DNMBP: variants seen among roughly 807,000 people sequenced by gnomAD.
DNMBP encodes the protein dynamin binding protein.
A neutral mutation model predicts 150.0 loss-of-function variants in DNMBP; 87 were observed. That is an observed-to-expected ratio of 0.58 (90% CI 0.49 to 0.69). DNMBP has a LOEUF of 0.69. DNMBP is among the 30% of genes least tolerant of loss of function. DNMBP has a pLI of 0.00. For missense variants in DNMBP, 1,774 were observed against 1,949.0 expected (o/e 0.91, Z 1.69); for synonymous variants, 711 against 750.4 (o/e 0.95, Z 0.86).
intron 6 of DNMBP, among the ~76,000 whole-genome samples, chr10:99,905,770 A>G (rs1292256580): frequency 6.6e-6 from 1 of 152,190 alleles, no homozygotes; most frequent in Non-Finnish European, 1.5e-5. Context: ...CAGGCATCCA[A>G]GACTAGCCTG....
intron 1 of DNMBP, among the ~76,000 whole-genome samples, chr10:99,992,169 T>C (rs904379172): frequency 2.0e-5 from 3 of 148,940 alleles, no homozygotes; most frequent in African/African-American, 7.4e-5. Flanking sequence ...GAGTCCAGGA[T>C]GTTGAGGCTG....
chr10:99,983,321 C>T (rs919422634), intron 1 of DNMBP, among the ~76,000 whole-genome samples: 1 of 152,160 alleles, frequency 6.6e-6, no homozygotes, highest in Non-Finnish European at 1.5e-5. Context: ...AGAGCTCATA[C>T]AAGACAACAC....
chr10:99,982,890 C>T (rs1217290945), intron 1 of DNMBP, among the ~76,000 whole-genome samples: 2 of 152,046 alleles, frequency 1.3e-5, no homozygotes, highest in Admixed American at 6.6e-5. Flanking sequence ...ATTGCTTGAA[C>T]CTGGGAAGTG....
intron 15 of DNMBP, among the ~76,000 whole-genome samples, chr10:99,882,167 T>C (rs558086335): frequency 2.6e-5 from 4 of 152,250 alleles, no homozygotes; most frequent in East Asian, 3.9e-4. Flanking sequence ...CTAGACAAGT[T>C]GATCTCATAG....
intron 1 of DNMBP, among the ~76,000 whole-genome samples, chr10:100,001,130 C>T (rs556762197): frequency 6.9e-6 from 1 of 145,636 alleles, no homozygotes; most frequent in Non-Finnish European, 1.5e-5. Flanking sequence ...ACTCGGGAGG[C>T]TAAGGCAGGA....
rs749864664 is a variant in DNMBP, at chr10:99,956,173, C to T, written c.1301G>A (p.Gly434Glu). ...LQKSQYYSTV[G>E]GSHPHSEQYP... ...CTGTTCTGAGTGCGGGTGGCTCCCTCCCACTGTAGAATAATACTGGCTTTT... is the reference window on the plus strand; with the variant it reads ...CTGTTCTGAGTGCGGGTGGCTCCCTTCCACTGTAGAATAATACTGGCTTTT... Residue 434 changes from glycine (G) to glutamate (E), a missense_variant, in exon 4 of 17, where the codon GGA (glycine) becomes GAA (glutamate). This residue lies in a region of DNMBP where 1,430 missense variants were observed against 1,492.5 expected (regional missense o/e 0.96). Coordinates refer to ENST00000324109, the MANE Select transcript of DNMBP (RefSeq NM_015221.4). 1 of 1,614,042 alleles carries T rather than the reference C, an allele frequency of 6.2e-7. No individual in the cohort carries two copies. The highest frequency in any genetic ancestry group is 8.5e-7 in the Non-Finnish European group (1 of 1,180,010).
Position 99,980,572 on chromosome 10 carries a change from C to T in DNMBP, c.-10-8438G>A, listed in dbSNP as rs541971524. Among the ~76,000 whole-genome samples, 9 of 151,794 alleles carry T rather than the reference C, an allele frequency of 5.9e-5. No individual in the cohort carries two copies. The South Asian group carries it at 1.9e-3, about 32-fold the overall frequency. ...CCTGTAATCTTAGCACTCTGGGAGA[C>T]CAAGAGGAGAGGATCACTTGAGCCC... is the stretch of plus-strand genomic sequence containing the variant. On this transcript the variant is annotated intron_variant, in intron 1 of 16. Transcript: ENST00000324109.
At chr10:99,922,527 T>TTTTTAAA in intron 4 of DNMBP, among the ~76,000 whole-genome samples, 1 of 78,966 alleles carries the variant, frequency 1.3e-5, no homozygotes, top group Non-Finnish European at 2.2e-5. Flanking sequence ...TTTTTTTTCT[T>TTTTTAAA]AAAAAAAAAA....
At chr10:100,000,463 A>G (rs959961185) in intron 1 of DNMBP, among the ~76,000 whole-genome samples, 3 of 152,170 alleles carry the variant, frequency 2.0e-5, no homozygotes, top group Admixed American at 1.3e-4. Context: ...TTCACATGCT[A>G]CTTTCGGGAA....
Position 99,875,704 on chromosome 10 carries a change from T to A in DNMBP, c.*1447A>T, listed in dbSNP as rs7652. On this transcript the variant is annotated 3_prime_UTR_variant, in exon 17 of 17. Coordinates refer to ENST00000324109, the MANE Select transcript of DNMBP (RefSeq NM_015221.4). ...CACGACCAGCAGACACTGTGGATGT[T>A]AGGACTCCACGGTGTCTCCCGACTC... The A allele has an allele frequency of 0.74, 112,363 of 151,894 alleles. 42,635 individuals carry two copies. The highest frequency in any genetic ancestry group is 0.92 in the African/African-American group (37,884 of 41,390). 9.4% of individuals were successfully genotyped at this position (151,894 alleles called of 1,614,324 possible).
At chr10:99,923,727 A>G (rs2040047686) in intron 4 of DNMBP, among the ~76,000 whole-genome samples, 1 of 151,856 alleles carries the variant, frequency 6.6e-6, no homozygotes, top group Admixed American at 6.6e-5. Flanking sequence ...CCACAACCCT[A>G]TGTCTTTCTC....
intron 4 of DNMBP, among the ~76,000 whole-genome samples, chr10:99,948,909 G>A (rs563905662): frequency 6.6e-6 from 1 of 151,974 alleles, no homozygotes; most frequent in African/African-American, 2.4e-5. Context: ...GTTGCAGTGA[G>A]CCAAGATCAC....
intron 11 of DNMBP, among the ~76,000 whole-genome samples, chr10:99,891,863 C>A (rs545947641): frequency 0.12 from 17,570 of 144,230 alleles, 1,727 homozygotes; most frequent in African/African-American, 0.26. Context: ...TGCCCGGCCA[C>A]GACCCCGTCT....
In DNMBP at chr10:99,888,838, A is replaced by G. The variant is rs2039512287; in HGVS notation, c.3272T>C (p.Leu1091Pro). ...ERVHRYISDQ[L>P]FTNFKERTER... is the part of the protein sequence containing the mutation. ...AAAGTTACTTACAAAGTTTGTGAAG[A>G]GCTGGTCACTGATGTAGCGATGCAC... The change falls in exon 12 of 17, where the codon CTC (leucine) becomes CCC (proline). Residue 1091 changes from leucine to proline, a missense_variant. Leu to Pro is a moderately conservative substitution (Grantham distance 98). This residue lies in a region of DNMBP where 1,430 missense variants were observed against 1,492.5 expected (regional missense o/e 0.96). Coordinates refer to ENST00000324109, the MANE Select transcript of DNMBP (RefSeq NM_015221.4). 1 of 1,614,112 alleles carries G rather than the reference A, an allele frequency of 6.2e-7. No homozygotes were observed. The highest frequency in any genetic ancestry group is 8.5e-7 in the Non-Finnish European group (1 of 1,180,012).
intron 1 of DNMBP, among the ~76,000 whole-genome samples, chr10:99,995,072 T>TTTG (rs575533576): frequency 6.7e-6 from 1 of 148,234 alleles, no homozygotes; most frequent in Admixed American, 6.7e-5. Flanking sequence ...TTTTTTTTTT[T>TTTG]GAGACAGTCT....
In DNMBP at chr10:99,889,741, G is replaced by A. The variant is rs74155715; in HGVS notation, c.3157-788C>T. On this transcript the variant is annotated intron_variant, in intron 11 of 16. Transcript: ENST00000324109. ...AATACTCCATTAGTCTATTTCAAGG[G>A]CAAAAAGAGAAAAGTCTAAGACTTT... Among the ~76,000 whole-genome samples the A allele has an allele frequency of 3.9e-3, 590 of 152,118 alleles. 6 individuals carry two copies. The highest frequency in any genetic ancestry group is 0.012 in the African/African-American group (515 of 41,490).
chr10:99,954,053 G>T (rs559822472), intron 4 of DNMBP, among the ~76,000 whole-genome samples: 11 of 150,922 alleles, frequency 7.3e-5, no homozygotes, highest in Admixed American at 2.0e-4. Flanking sequence ...TTTTTTTGGA[G>T]ACAGGGTCTC....
intron 4 of DNMBP, among the ~76,000 whole-genome samples, chr10:99,924,159 C>T (rs1020140941): frequency 5.3e-5 from 8 of 151,324 alleles, no homozygotes; most frequent in South Asian, 4.2e-4. Context: ...AGGCCGGGTG[C>T]GGTGGCGGTA....
chr10:99,909,672 A>G (rs2039876864), intron 4 of DNMBP, among the ~76,000 whole-genome samples: 1 of 152,334 alleles, frequency 6.6e-6, no homozygotes, highest in Middle Eastern at 3.4e-3. Flanking sequence ...CAGTCACTGT[A>G]ATGGTAGGTC....
Sources: allele counts gnomAD v4.1 joint callset (sites outside exome capture counted in the v4.1 genomes callset), GRCh38; gene constraint gnomAD v4.1.1; regional missense constraint gnomAD v4.1.1; transcripts MANE v1.5; gene names NCBI Gene and HGNC (gene_info 2026-07-23, HGNC 2026-07-21).